Variants in FBXO9 observed in about 807,000 individuals in gnomAD.
FBXO9 encodes F-box only protein 9.
Under a neutral mutation model 63.7 loss-of-function variants are expected in FBXO9, and 43 were observed. That is an observed-to-expected ratio of 0.67 (90% CI 0.53 to 0.87). FBXO9 has a LOEUF of 0.87. FBXO9 is among the 40% of genes least tolerant of loss of function. FBXO9 has a pLI of 0.00. For synonymous variants in FBXO9, 156 were observed against 171.7 expected (o/e 0.91, Z 0.72); for missense variants, 442 against 533.2 (o/e 0.83, Z 1.68).
At chr6:53,077,634 A>G (rs941102852) in intron 4 of FBXO9, among the ~76,000 whole-genome samples, 2 of 152,220 alleles carry the variant, frequency 1.3e-5, no homozygotes, top group Non-Finnish European at 2.9e-5. Flanking sequence ...AAAGATAATA[A>G]TTGATGCATA....
intron 3 of FBXO9, among the ~76,000 whole-genome samples, chr6:53,075,946 G>C (rs779155384): frequency 6.6e-6 from 1 of 151,610 alleles, no homozygotes; most frequent in Non-Finnish European, 1.5e-5. Context: ...GTTTCATCTT[G>C]TTGGCCAGGC....
At chr6:53,088,456 T>G (rs891563756) in intron 7 of FBXO9, among the ~76,000 whole-genome samples, 2 of 152,236 alleles carry the variant, frequency 1.3e-5, no homozygotes, top group Non-Finnish European at 2.9e-5. Context: ...CCAGAAAACC[T>G]GGCATGTTTT....
rs375274718 is a variant in FBXO9, at chr6:53,073,597, G to A, written c.207G>A (p.Ser69=). The A allele has an allele frequency of 6.2e-6, 10 of 1,607,202 alleles. No individual in the cohort carries two copies. In the African/African-American group the frequency reaches 6.7e-5, roughly 11 times the overall value. Reference sequence around the variant, plus strand: ...CAAGAGGCTCTCTCCAGAAAACATCGGCAGATACCAAAGGAAAACAAGAAC... The same window carrying A: ...CAAGAGGCTCTCTCCAGAAAACATCAGCAGATACCAAAGGAAAACAAGAAC... ...RAARGSLQKT[S]ADTKGKQEQA... The change falls in exon 3 of 13, where the codon TCG becomes TCA. Residue 69 remains serine (S), a synonymous_variant. Coordinates refer to ENST00000323557, the MANE Select transcript of FBXO9 (RefSeq NM_033480.3).
chr6:53,081,093 T>C lies in FBXO9; in HGVS notation c.533T>C (p.Ile178Thr). Residue 178 changes from isoleucine (I) to threonine (T), a missense_variant, in exon 6 of 13, where the codon ATA (isoleucine) becomes ACA (threonine). This residue lies in a region of FBXO9 where 262 missense variants were observed against 362.1 expected (regional missense o/e 0.72). Coordinates refer to ENST00000323557, the MANE Select transcript of FBXO9 (RefSeq NM_033480.3). ...GAGCTTGAGAGCAGTCAGATTCACA[T>C]ATCAGGTGTGAATACTTGTTTTTCA... ...QPELESSQIH[I>T]SVLPMEVLMY... The C allele has an allele frequency of 6.2e-7, 1 of 1,609,318 alleles. No individual in the cohort carries two copies.
intron 7 of FBXO9, among the ~76,000 whole-genome samples, chr6:53,088,221 T>G (rs1762948844): frequency 6.6e-6 from 1 of 152,202 alleles, no homozygotes; most frequent in Non-Finnish European, 1.5e-5. Context: ...TTATTTAATC[T>G]TGGTTCACAT....
rs139829453 is a variant in FBXO9, at chr6:53,087,425, AGAG to A, written c.653+4811_653+4813del. On this transcript the variant is annotated intron_variant, in intron 7 of 12. Transcript: ENST00000323557. ...AGCTAGAACTGGAGGGAAAAAATTA[AGAG>A]GAGTTGACAAAAAGGTTGAAAGAGA... Among the ~76,000 whole-genome samples the A allele has an allele frequency of 4.6e-3, 701 of 152,130 alleles. 9 individuals carry two copies. Among genetic ancestry groups the A allele is most frequent in the African/African-American group, 0.016 (666 of 41,504 alleles).
intron 7 of FBXO9, among the ~76,000 whole-genome samples, chr6:53,087,694 A>G (rs1249635457): frequency 6.6e-6 from 1 of 152,254 alleles, no homozygotes; most frequent in East Asian, 1.9e-4. Flanking sequence ...CCCAGGAAGA[A>G]ATAGAAACTG....
At chr6:53,089,871 G>T (rs369228264) in intron 7 of FBXO9, among the ~76,000 whole-genome samples, 5 of 152,206 alleles carry the variant, frequency 3.3e-5, no homozygotes, top group African/African-American at 1.2e-4. Context: ...ACTGCACACT[G>T]GTTCCAAGAA....
Position 53,066,230 on chromosome 6 carries a change from C to T in FBXO9, c.3+438C>T, listed in dbSNP as rs527641444. On this transcript the variant is annotated intron_variant, in intron 1 of 12. Coordinates refer to ENST00000323557, the MANE Select transcript of FBXO9 (RefSeq NM_033480.3). ...TGTTGATTGCTCTTCTGCGGAAAAG[C>T]CAGGCCCACCGACAGTCCCTGCCGG... is the stretch of plus-strand genomic sequence containing the variant. 8.2e-4 allele frequency: 706 copies of T among 857,310 alleles called. 8 individuals are homozygous for T. In the African/African-American group the frequency reaches 0.012, roughly 14 times the overall value. The allele number at this position is 857,310 out of a possible 1,614,324, so 53.1% of individuals were successfully genotyped here.
At position 53,073,645 on chromosome 6, in the gene FBXO9, T is replaced by C; in HGVS notation, c.249+6T>C. The C allele has an allele frequency of 6.5e-7, 1 of 1,530,100 alleles. No individual in the cohort carries two copies. Among genetic ancestry groups the C allele is most frequent in the South Asian group, 1.2e-5 (1 of 80,552 alleles). 94.8% of individuals were successfully genotyped at this position (1,530,100 alleles called of 1,614,324 possible). A position where few individuals can be genotyped will look rare whatever the true frequency, so the allele number is the denominator to read the frequency against. ...AACAGGCAAAAGAAGAAAAGTTAAG[T>C]ATTATAGATATTGTAACAAATTACA... On this transcript the variant is annotated splice_donor_region_variant and intron_variant, in intron 3 of 12. Transcript: ENST00000323557.
Position 53,100,692 on chromosome 6 carries a change from G to A in FBXO9, c.*2862G>A, listed in dbSNP as rs1763324595. The A allele has an allele frequency of 6.6e-6, 1 of 152,146 alleles. No homozygotes were observed. Among genetic ancestry groups the A allele is most frequent in the Non-Finnish European group, 1.5e-5 (1 of 68,008 alleles). The allele number at this position is 152,146 out of a possible 1,614,324, so 9.4% of individuals were successfully genotyped here. On this transcript the variant is annotated 3_prime_UTR_variant, in exon 13 of 13. Coordinates refer to ENST00000323557, the MANE Select transcript of FBXO9 (RefSeq NM_033480.3). The stretch of plus-strand genomic sequence containing the variant: ...GATTATTCTGTGCATCTATAAAAAT[G>A]GGATTATATTGTACAGAATGCTTTG...
chr6:53,080,455 C>T (rs547166394), intron 5 of FBXO9, among the ~76,000 whole-genome samples: 1 of 152,096 alleles, frequency 6.6e-6, no homozygotes, highest in Non-Finnish European at 1.5e-5. Flanking sequence ...CCATTCACTA[C>T]ACATTTGTGT....
chr6:53,078,237 T>G (rs958964840), intron 4 of FBXO9, among the ~76,000 whole-genome samples: 2 of 152,280 alleles, frequency 1.3e-5, no homozygotes, highest in East Asian at 3.9e-4. Context: ...GAGGATCGCT[T>G]GAACCCAGGA....
chr6:53,072,921 C>T (rs982168063), intron 2 of FBXO9, among the ~76,000 whole-genome samples: 3 of 152,118 alleles, frequency 2.0e-5, no homozygotes, highest in African/African-American at 4.8e-5. Context: ...CAGGGTTTCA[C>T]CATGTTGGCC....
intron 2 of FBXO9, among the ~76,000 whole-genome samples, chr6:53,071,999 A>G (rs1489628849): frequency 6.6e-6 from 1 of 152,204 alleles, no homozygotes; most frequent in Non-Finnish European, 1.5e-5. Context: ...ATCTTTATAC[A>G]TTAAAAGAGA....
rs1275524526 is a variant in FBXO9, at chr6:53,100,287, C to T, written c.*2457C>T. On this transcript the variant is annotated 3_prime_UTR_variant, in exon 13 of 13. Transcript: ENST00000323557. ...GAAACTTTTTAACTTCAGGAGTGTC[C>T]TTCCTTTGCTCTATTAGGACATTAC... 6.6e-6 allele frequency: 1 copy of T among 152,152 alleles called. No individual in the cohort carries two copies. The highest frequency in any genetic ancestry group is 1.5e-5 in the Non-Finnish European group (1 of 68,026). The allele number at this position is 152,152 out of a possible 1,614,324, so 9.4% of individuals were successfully genotyped here.
rs1046743302 is a variant in FBXO9, at chr6:53,078,746, G to C, written c.308-53G>C. The C allele has an allele frequency of 5.9e-6, 8 of 1,364,636 alleles. No homozygotes were observed. In the Admixed American group the frequency reaches 7.0e-5, roughly 12 times the overall value. The allele number at this position is 1,364,636 out of a possible 1,614,324, so 84.5% of individuals were successfully genotyped here. Reference sequence around the variant, plus strand: ...AAACCACAGTTAAGGGTAATCAAAGGAAATGACAAAAATGTGTGGTCACAG... The same window carrying C: ...AAACCACAGTTAAGGGTAATCAAAGCAAATGACAAAAATGTGTGGTCACAG... On this transcript the variant is annotated intron_variant, in intron 4 of 12. Transcript: ENST00000323557.
chr6:53,065,875 C>T, intron 1 of FBXO9, 83 bp downstream of exon 1: 1 of 1,245,270 alleles, frequency 8.0e-7, no homozygotes, highest in Non-Finnish European at 1.0e-6. Context: ...GGCTGGGGGT[C>T]GGCGGGGACT....
intron 9 of FBXO9, 46 bp from the exon 10 acceptor site, chr6:53,093,420 C>A: frequency 7.5e-7 from 1 of 1,341,992 alleles, no homozygotes; most frequent in Non-Finnish European, 1.1e-6. Flanking sequence ...ATATTTTATA[C>A]TTTGTGTGGG....
Sources: allele counts gnomAD v4.1 joint callset (sites outside exome capture counted in the v4.1 genomes callset), GRCh38; gene constraint gnomAD v4.1.1; regional missense constraint gnomAD v4.1.1; transcripts MANE v1.5; gene names NCBI Gene and HGNC (gene_info 2026-07-23, HGNC 2026-07-21).